JAK1: variants seen among roughly 807,000 people sequenced by gnomAD.
JAK1 encodes the protein Janus kinase 1.
In JAK1, 16 loss-of-function variants were observed where a neutral mutation model predicts 136.6. The observed-to-expected ratio is 0.12, with a 90% confidence interval of 0.08 to 0.18. The LOEUF (loss-of-function observed/expected upper bound fraction) is 0.18, where lower values mean the gene tolerates loss of function less well. JAK1 is among the 10% of genes least tolerant of loss of function. JAK1 has a pLI of 1.00. For missense variants in JAK1, 859 were observed against 1,450.1 expected (o/e 0.59, Z 6.62); for synonymous variants, 492 against 519.5 (o/e 0.95, Z 0.72).
chr1:65,024,660 C>CAAAAAAAA (rs11349903), intron 2 of JAK1, among the ~76,000 whole-genome samples: 4 of 69,862 alleles, frequency 5.7e-5, no homozygotes, highest in Admixed American at 1.6e-4. Flanking sequence ...TGGTCCAAAG[C>CAAAAAAAA]AAAAAAAAAA....
intron 19 of JAK1, among the ~76,000 whole-genome samples, chr1:64,840,356 C>T (rs913658863): frequency 5.3e-5 from 8 of 152,188 alleles, no homozygotes; most frequent in Non-Finnish European, 7.3e-5. Flanking sequence ...CAGTGGCTGG[C>T]ACACAGCAGA....
chr1:64,922,925 C>T (rs973305400), intron 1 of JAK1, among the ~76,000 whole-genome samples: 8 of 152,170 alleles, frequency 5.3e-5, no homozygotes, highest in South Asian at 4.1e-4. Flanking sequence ...TATCAATTCG[C>T]TCTCACCTAA....
At chr1:65,047,186 ATTTT>A (rs1247124174) in intron 1 of JAK1, among the ~76,000 whole-genome samples, 1 of 151,836 alleles carries the variant, frequency 6.6e-6, no homozygotes, top group Non-Finnish European at 1.5e-5. Flanking sequence ...TCTCCAAAAA[ATTTT>A]TTTTGTTTCA....
intron 8 of JAK1, among the ~76,000 whole-genome samples, chr1:64,861,996 G>T (rs1284493084): frequency 6.6e-6 from 1 of 152,236 alleles, no homozygotes; most frequent in East Asian, 1.9e-4. Flanking sequence ...AGTCTAAACA[G>T]AAATGAGGGA....
chr1:64,927,806 G>A (rs1645607827), intron 1 of JAK1, among the ~76,000 whole-genome samples: 1 of 152,188 alleles, frequency 6.6e-6, no homozygotes, highest in East Asian at 1.9e-4. Context: ...CAAAGCCCCT[G>A]TATTTGGCTG....
Position 64,928,790 on chromosome 1 carries a change from A to AAAAAAAC in JAK1, c.-78+37536_-78+37542dup, listed in dbSNP as rs1553170022. 1.7e-3 allele frequency among the ~76,000 whole-genome samples: 214 copies of AAAAAAAC among 125,804 alleles called. 1 individual carries two copies. The highest frequency in any genetic ancestry group is 7.0e-3 in the Middle Eastern group (2 of 284). 82.5% of individuals were successfully genotyped at this position (125,804 alleles called of 152,430 possible). Reference sequence around the variant, plus strand: ...CTATAAAACTCTGCAAAAAAAAAAAAAAAAAACAAAAAAAAAAAACTCTGC... The same window carrying AAAAAAAC: ...CTATAAAACTCTGCAAAAAAAAAAAAAAAAAACAAAAAACAAAAAAAAAAAACTCTGC... On this transcript the variant is annotated intron_variant, in intron 1 of 24. Transcript: ENST00000342505.
chr1:64,877,337 T>A (rs567411873), intron 4 of JAK1, among the ~76,000 whole-genome samples: 1 of 152,316 alleles, frequency 6.6e-6, no homozygotes, highest in African/African-American at 2.4e-5. Flanking sequence ...GTATTTTTTT[T>A]TTCCAAGTTC....
intron 2 of JAK1, among the ~76,000 whole-genome samples, chr1:65,012,383 G>C (rs892103773): frequency 6.6e-6 from 1 of 152,170 alleles, no homozygotes; most frequent in African/African-American, 2.4e-5. Context: ...GCCAGCCTAG[G>C]ACAGCTCACC....
Position 64,988,996 on chromosome 1 carries a change from GTGTGTGTATATATATATA to G in JAK1, c.-78+55466_-78+55483del, listed in dbSNP as rs1383216949. 4.1e-3 allele frequency among the ~76,000 whole-genome samples: 401 copies of G among 98,460 alleles called. 2 individuals carry two copies. The highest frequency in any genetic ancestry group is 0.014 in the African/African-American group (359 of 25,984). The allele number at this position is 98,460 out of a possible 152,430, so 64.6% of individuals were successfully genotyped here. On this transcript the variant is annotated intron_variant, in intron 2 of 25. Coordinates refer to the JAK1 transcript ENST00000671954. ...TATATATGTATATGTGTGTGTGTGT[GTGTGTGTATATATATATA>G]TATATATATATATATAAAATACAGA...
At chr1:65,010,342 T>A (rs896960115) in intron 2 of JAK1, among the ~76,000 whole-genome samples, 3 of 152,034 alleles carry the variant, frequency 2.0e-5, no homozygotes, top group African/African-American at 7.2e-5. Flanking sequence ...CCTCCATCCA[T>A]CCTCCTGCCC....
At chr1:64,839,476 T>A (rs1250446862) in intron 20 of JAK1, 127 bp downstream of exon 20, 14 of 779,478 alleles carry the variant, frequency 1.8e-5, no homozygotes, top group Non-Finnish European at 2.7e-5. Flanking sequence ...CTTGAGAGTG[T>A]GTGGGAACCA....
chr1:65,019,729 C>T (rs1388797666), intron 2 of JAK1, among the ~76,000 whole-genome samples: 1 of 151,778 alleles, frequency 6.6e-6, no homozygotes, highest in Non-Finnish European at 1.5e-5. Flanking sequence ...CCAGCCTGAC[C>T]AACATTATGA....
intron 1 of JAK1, among the ~76,000 whole-genome samples, chr1:65,060,584 TTC>T (rs1175501040): frequency 6.6e-6 from 1 of 152,136 alleles, no homozygotes; most frequent in Non-Finnish European, 1.5e-5. Flanking sequence ...CTCCTTATTT[TTC>T]TCTCATTTCA....
At chr1:64,918,338 A>G (rs903325830) in intron 1 of JAK1, 8 of 152,198 alleles carry the variant, frequency 5.3e-5, no homozygotes, top group Admixed American at 3.3e-4. Context: ...CCCTAAGTAG[A>G]TACTCATTAA....
In JAK1 at chr1:64,844,674, C is replaced by T; in HGVS notation, c.2251+80G>A. Reference sequence around the variant, plus strand: ...AAAAAAATGACTCTCTAAAAGGAGACCAACCCCAGCCCAGCCCTTCTCTCT... The same window carrying T: ...AAAAAAATGACTCTCTAAAAGGAGATCAACCCCAGCCCAGCCCTTCTCTCT... On this transcript the variant is annotated intron_variant, in intron 16 of 24. Transcript: ENST00000342505. This position sits in a 1 kb window ranked among gnomAD's most constrained non-coding sequence, Gnocchi z 5.7. 2 of 1,562,778 alleles carry T rather than the reference C, an allele frequency of 1.3e-6. No individual in the cohort carries two copies. Among genetic ancestry groups the T allele is most frequent in the Non-Finnish European group, 1.8e-6 (2 of 1,138,986 alleles).
At chr1:65,067,133 G>C (rs1301269992) in intron 1 of JAK1, among the ~76,000 whole-genome samples, 5 of 151,648 alleles carry the variant, frequency 3.3e-5, no homozygotes, top group Admixed American at 6.6e-5. Flanking sequence ...CCCGGAGTGC[G>C]GAGGCCCGGC....
chr1:64,836,005 G>T, intron 23 of JAK1, 93 bp downstream of exon 23: 1 of 721,676 alleles, frequency 1.4e-6, no homozygotes, highest in Non-Finnish European at 2.5e-6. Context: ...TACATTCATT[G>T]GATTCCATTT....
intron 2 of JAK1, among the ~76,000 whole-genome samples, chr1:65,020,225 CAAAAAAA>C (rs375362876): frequency 1.2e-4 from 6 of 50,790 alleles, no homozygotes; most frequent in East Asian, 7.2e-4. Context: ...AACTCCGTCT[CAAAAAAA>C]AAAAAAAAAA....
At position 64,881,661 on chromosome 1, in the gene JAK1, G is replaced by A. The variant is rs138071776; in HGVS notation, c.205+1616C>T. Among the ~76,000 whole-genome samples, 69 of 152,252 alleles carry A rather than the reference G, an allele frequency of 4.5e-4. 1 individual carries two copies. Among genetic ancestry groups the A allele is most frequent in the African/African-American group, 1.6e-3 (67 of 41,538 alleles). On this transcript the variant is annotated intron_variant, in intron 3 of 24. Coordinates refer to ENST00000342505, the MANE Select transcript of JAK1 (RefSeq NM_002227.4). ...AAGAGACACCACTCATTTTCTATAA[G>A]GTAGGCTAGAAACCGACACCCCAAA...
Sources: gnomAD v4.1 joint callset for allele counts (sites outside exome capture counted in the v4.1 genomes callset) on GRCh38, gnomAD v4.1.1 for gene constraint, Gnocchi (gnomAD v3.1) non-coding constraint, MANE v1.5 for transcripts, NCBI Gene and HGNC (gene_info 2026-07-23, HGNC 2026-07-21) for gene names.